Variants in UBR3 observed in about 807,000 individuals in gnomAD.
The protein encoded by UBR3 is ubiquitin protein ligase E3 component n-recognin 3.
Under a neutral mutation model 243.2 loss-of-function variants are expected in UBR3, and 85 were observed. The ratio of observed to expected loss-of-function variants is 0.35; its 90% CI spans 0.29 to 0.42. UBR3 has a LOEUF of 0.42. Among genes scored for constraint, UBR3 ranks in the 10% least tolerant of loss-of-function variants. The pLI is 1.00. For missense variants in UBR3, 1,686 were observed against 2,300.8 expected, an observed-to-expected ratio of 0.73 and a Z score of 5.47; for synonymous variants, 748 against 799.8, an observed-to-expected ratio of 0.94 and a Z score of 1.09.
At chr2:169,875,596 G>C (rs1458164256) in intron 2 of UBR3, among the ~76,000 whole-genome samples, 195 bp from the exon 3 acceptor site, 1 of 152,144 alleles carries the variant, frequency 6.6e-6, no homozygotes, top group Admixed American at 6.5e-5. Context: ...CTGAATTCCT[G>C]AGCAAGTCTA....
intron 32 of UBR3, among the ~76,000 whole-genome samples, chr2:170,046,180 T>C (rs915965964): frequency 2.6e-5 from 4 of 152,160 alleles, no homozygotes. Context: ...TTGGCCAGAC[T>C]GGTCTGAATA....
At position 170,051,899 on chromosome 2, in the gene UBR3, C is replaced by G. The variant is rs372745669; in HGVS notation, c.4661-3561C>G. ...CTCATTTCCTACTCATTTTCAGGCTCTTTTTAAATGAATTGTTCTTTATTT... is the reference window on the plus strand; with the variant it reads ...CTCATTTCCTACTCATTTTCAGGCTGTTTTTAAATGAATTGTTCTTTATTT... On this transcript the variant is annotated intron_variant, in intron 32 of 38. Coordinates refer to ENST00000272793, the MANE Select transcript of UBR3 (RefSeq NM_172070.4). Among the ~76,000 whole-genome samples, 35 of 152,194 alleles carry G rather than the reference C, an allele frequency of 2.3e-4. No homozygotes were observed. In the South Asian group the frequency reaches 7.3e-3, roughly 32 times the overall value.
Position 170,000,478 on chromosome 2 carries a change from G to A in UBR3, c.3919-826G>A, listed in dbSNP as rs566632476. Among the ~76,000 whole-genome samples the A allele has an allele frequency of 2.0e-4, 30 of 152,358 alleles. No homozygotes were observed. In the South Asian group the frequency reaches 5.6e-3, roughly 28 times the overall value. On this transcript the variant is annotated intron_variant, in intron 26 of 38. Transcript: ENST00000272793. Reference sequence around the variant, plus strand: ...ACAGAATCCATATGATTTGGGAACTGATATTGTGGTATGAAGGTAAGAGTG... The same window carrying A: ...ACAGAATCCATATGATTTGGGAACTAATATTGTGGTATGAAGGTAAGAGTG...
At chr2:169,856,018 G>C (rs967719436) in intron 1 of UBR3, among the ~76,000 whole-genome samples, 1 of 151,538 alleles carries the variant, frequency 6.6e-6, no homozygotes, top group African/African-American at 2.4e-5. Context: ...AGGCGGAGAC[G>C]CTCCTCACCT....
At chr2:169,934,881 T>C (rs1249175055) in intron 19 of UBR3, among the ~76,000 whole-genome samples, 1 of 152,220 alleles carries the variant, frequency 6.6e-6, no homozygotes, top group East Asian at 1.9e-4. Context: ...AAAAGGCCTT[T>C]AAGATCTAGT....
At chr2:170,071,971 G>T (rs1458989652) in intron 35 of UBR3, among the ~76,000 whole-genome samples, 1 of 152,134 alleles carries the variant, frequency 6.6e-6, no homozygotes, top group Non-Finnish European at 1.5e-5. Flanking sequence ...TACACTGTTG[G>T]TGGGACTGTA....
At chr2:170,067,904 G>A (rs1332416012) in intron 35 of UBR3, among the ~76,000 whole-genome samples, 1 of 151,744 alleles carries the variant, frequency 6.6e-6, no homozygotes, top group Admixed American at 6.6e-5. Flanking sequence ...GAATAGCTGG[G>A]ATTACAGGTG....
intron 11 of UBR3, among the ~76,000 whole-genome samples, chr2:169,919,566 G>A (rs1477506014): frequency 6.6e-6 from 1 of 152,142 alleles, no homozygotes; most frequent in Non-Finnish European, 1.5e-5. Context: ...CTACTCATCT[G>A]ACAAAGGTTC....
intron 24 of UBR3, among the ~76,000 whole-genome samples, chr2:169,970,037 G>T (rs1364762255): frequency 1.4e-5 from 2 of 141,626 alleles, no homozygotes; most frequent in Non-Finnish European, 3.0e-5. Context: ...TTCTACCTCT[G>T]TGAAGAATGT....
intron 35 of UBR3, among the ~76,000 whole-genome samples, chr2:170,067,759 A>T (rs1559233042): frequency 7.0e-6 from 1 of 143,558 alleles, no homozygotes; most frequent in Non-Finnish European, 1.5e-5. Flanking sequence ...AGCAGAAATC[A>T]CAAGGAAATA....
At chr2:169,953,781 A>G (rs1403738862) in intron 23 of UBR3, among the ~76,000 whole-genome samples, 1 of 152,224 alleles carries the variant, frequency 6.6e-6, no homozygotes, top group African/African-American at 2.4e-5. Flanking sequence ...GTAAGTGTAC[A>G]TGTTTAAAGG....
chr2:169,838,039 A>T (rs1050889273), intron 1 of UBR3, among the ~76,000 whole-genome samples: 1 of 152,208 alleles, frequency 6.6e-6, no homozygotes, highest in East Asian at 1.9e-4. Flanking sequence ...TTAGTCTTCA[A>T]AAGGGTTTTT....
rs142909025 is a variant in UBR3 at position 169,845,358 on chromosome 2, G to A, written c.545+17306G>A. Among the ~76,000 whole-genome samples the A allele has an allele frequency of 2.4e-4, 36 of 151,134 alleles. 1 individual carries two copies. The East Asian group carries it at 6.9e-3, about 29-fold the overall frequency. ...GGGTTACTTGAGTCTGGGATATAGA[G>A]GCTGCAGTGAGCCAGGATGGCGCCA... On this transcript the variant is annotated intron_variant, in intron 1 of 38. Transcript: ENST00000272793.
chr2:170,012,610 G>A (rs1324140603), intron 29 of UBR3, among the ~76,000 whole-genome samples: 1 of 151,870 alleles, frequency 6.6e-6, no homozygotes, highest in Non-Finnish European at 1.5e-5. Flanking sequence ...AAAGCTTCCT[G>A]GAGAAGTTAA....
At chr2:169,929,112 T>G (rs2086018642) in intron 18 of UBR3, among the ~76,000 whole-genome samples, 1 of 152,190 alleles carries the variant, frequency 6.6e-6, no homozygotes, top group Non-Finnish European at 1.5e-5. Flanking sequence ...GAAATTTATA[T>G]TTGAACTCTA....
At chr2:169,900,067 G>T (rs4668180) in intron 8 of UBR3, among the ~76,000 whole-genome samples, 1 of 152,048 alleles carries the variant, frequency 6.6e-6, no homozygotes, top group East Asian at 1.9e-4. Flanking sequence ...TTGAGGAATC[G>T]CCACACTGTC....
At chr2:169,830,081 A>G (rs761072958) in intron 1 of UBR3, among the ~76,000 whole-genome samples, 15 of 152,038 alleles carry the variant, frequency 9.9e-5, no homozygotes, top group Non-Finnish European at 2.1e-4. Flanking sequence ...ACTGCTGCAT[A>G]GTGTTCCATG....
At chr2:169,945,813 A>G (rs2086768623) in intron 20 of UBR3, among the ~76,000 whole-genome samples, 1 of 152,158 alleles carries the variant, frequency 6.6e-6, no homozygotes, top group Non-Finnish European at 1.5e-5. Context: ...TTTACTAACC[A>G]CTTGCATTCC....
rs114880418 is a variant in UBR3, at chr2:170,028,315, A to G, written c.4454-1031A>G. ...ACCCCATACTACCCCATTTATATTG[A>G]TGGATCTTGAGTAAATTAACATAAA... On this transcript the variant is annotated intron_variant, in intron 30 of 38. Coordinates refer to ENST00000272793, the MANE Select transcript of UBR3 (RefSeq NM_172070.4). Among the ~76,000 whole-genome samples, 362 of 151,934 alleles carry G rather than the reference A, an allele frequency of 2.4e-3. 2 individuals are homozygous for G. Among genetic ancestry groups the G allele is most frequent in the African/African-American group, 8.5e-3 (351 of 41,506 alleles).
Sources: gnomAD v4.1 joint callset for allele counts (sites outside exome capture counted in the v4.1 genomes callset) on GRCh38, gnomAD v4.1.1 for gene constraint, MANE v1.5 for transcripts, NCBI Gene and HGNC (gene_info 2026-07-23, HGNC 2026-07-21) for gene names.